The following NOL10 variants were observed in gnomAD, a reference collection of about 807,000 sequenced individuals.
NOL10 encodes the protein nucleolar protein 10, also known as H_NH0074G24.1.
Under a neutral mutation model 103.5 loss-of-function variants are expected in NOL10, and 58 were observed. The observed-to-expected ratio is 0.56, with a 90% CI of 0.45 to 0.70. The LOEUF is 0.70. NOL10 is among the 30% of genes least tolerant of loss of function. The pLI, the probability that NOL10 is intolerant of heterozygous loss-of-function variation, is 0.00. For synonymous variants in NOL10, 287 were observed against 282.5 expected (o/e 1.02, Z -0.16); for missense variants, 763 against 807.3 (o/e 0.95, Z 0.67).
chr2:10,688,374 G>A (rs141655838), intron 1 of NOL10, among the ~76,000 whole-genome samples: 4 of 152,078 alleles, frequency 2.6e-5, no homozygotes, highest in East Asian at 1.9e-4. Flanking sequence ...CCCTGCTCTC[G>A]CCCCCTCACT....
intron 14 of NOL10, among the ~76,000 whole-genome samples, chr2:10,606,515 G>A (rs768464625): frequency 5.3e-5 from 8 of 150,662 alleles, no homozygotes; most frequent in Non-Finnish European, 8.8e-5. Flanking sequence ...GGTTGAGGTA[G>A]GAGAATGACT....
At chr2:10,665,643 T>C (rs1055320887) in intron 8 of NOL10, among the ~76,000 whole-genome samples, 5 of 152,208 alleles carry the variant, frequency 3.3e-5, no homozygotes, top group African/African-American at 9.6e-5. Flanking sequence ...CACGTTCTAA[T>C]ACATAACTTC....
chr2:10,645,930 CACACACACACACAT>C (rs1679036547), intron 12 of NOL10, among the ~76,000 whole-genome samples: 4 of 123,964 alleles, frequency 3.2e-5, no homozygotes, highest in Admixed American at 1.7e-4. Context: ...GCACACAAAA[CACACACACACACAT>C]ACACACACAC....
At chr2:10,621,899 C>T (rs1483776559) in intron 13 of NOL10, 1 of 345,582 alleles carries the variant, frequency 2.9e-6, no homozygotes, top group Non-Finnish European at 5.8e-6. Flanking sequence ...TCACTTGACT[C>T]TGGAATAGTT....
At chr2:10,572,416 A>T (rs1173688907) in intron 20 of NOL10, among the ~76,000 whole-genome samples, 1 of 152,088 alleles carries the variant, frequency 6.6e-6, no homozygotes, top group African/African-American at 2.4e-5. Context: ...CCATCAATGC[A>T]AAAGCAGAAA....
intron 13 of NOL10, among the ~76,000 whole-genome samples, chr2:10,621,549 A>T (rs1677149417): frequency 6.6e-6 from 1 of 152,210 alleles, no homozygotes; most frequent in South Asian, 2.1e-4. Flanking sequence ...AGCTGTGATC[A>T]GGACACTGCA....
chr2:10,591,829 C>T (rs944863427), intron 17 of NOL10, among the ~76,000 whole-genome samples: 4 of 151,930 alleles, frequency 2.6e-5, no homozygotes, highest in Non-Finnish European at 4.4e-5. Context: ...CATGGTGAGA[C>T]GCTGTCTATA....
chr2:10,619,798 G>A (rs532715657), intron 13 of NOL10, among the ~76,000 whole-genome samples: 2 of 152,240 alleles, frequency 1.3e-5, no homozygotes, highest in South Asian at 4.1e-4. Flanking sequence ...TGAAGAGCCT[G>A]GCCTTGCACC....
At chr2:10,617,092 T>C (rs1042168017) in intron 13 of NOL10, among the ~76,000 whole-genome samples, 2 of 152,040 alleles carry the variant, frequency 1.3e-5, no homozygotes, top group Admixed American at 6.6e-5. Context: ...GTGGAGAGTA[T>C]GACAGACAGA....
intron 14 of NOL10, among the ~76,000 whole-genome samples, chr2:10,605,732 A>G (rs1018192504): frequency 1.3e-5 from 2 of 152,190 alleles, no homozygotes; most frequent in African/African-American, 2.4e-5. Flanking sequence ...GTGTGACAGC[A>G]TATTATGAAA....
intron 6 of NOL10, among the ~76,000 whole-genome samples, chr2:10,669,448 T>C (rs1680768762): frequency 7.0e-6 from 1 of 143,764 alleles, no homozygotes; most frequent in South Asian, 2.1e-4. Flanking sequence ...TTTGTATATA[T>C]ATATATATTT....
chr2:10,608,853 CATAT>C (rs1426497942), intron 13 of NOL10, among the ~76,000 whole-genome samples: 10 of 152,124 alleles, frequency 6.6e-5, no homozygotes, highest in African/African-American at 2.2e-4. Context: ...AAAACTCGAG[CATAT>C]ATAGTCTTCC....
intron 13 of NOL10, among the ~76,000 whole-genome samples, chr2:10,632,521 A>AT (rs1437000793): frequency 1.3e-5 from 2 of 152,208 alleles, no homozygotes; most frequent in Non-Finnish European, 2.9e-5. Context: ...TACAGGACCT[A>AT]TTTTACAACT....
chr2:10,573,063 CA>C (rs113673930), intron 20 of NOL10, among the ~76,000 whole-genome samples: 3,376 of 145,416 alleles, frequency 0.023, 31 homozygotes, highest in African/African-American at 0.03. Context: ...AGGTAAAGCT[CA>C]AAAAAAAAAA....
At chr2:10,637,422 A>G (rs1417040463) in intron 13 of NOL10, among the ~76,000 whole-genome samples, 1 of 152,122 alleles carries the variant, frequency 6.6e-6, no homozygotes, top group Non-Finnish European at 1.5e-5. Flanking sequence ...GACAACCCCT[A>G]AAATTCTGCA....
At chr2:10,689,545 CA>C (rs1372545206) in intron 1 of NOL10, among the ~76,000 whole-genome samples, 1 of 152,184 alleles carries the variant, frequency 6.6e-6, no homozygotes, top group African/African-American at 2.4e-5. Context: ...GAGAACTTTA[CA>C]AAAGTTCCAG....
chr2:10,638,483 C>CTTTTTTTTTTTT lies in NOL10; in HGVS notation c.1026+5825_1026+5836dup, dbSNP rs869294782. Among the ~76,000 whole-genome samples, 14 of 77,778 alleles carry CTTTTTTTTTTTT rather than the reference C, an allele frequency of 1.8e-4. 2 individuals carry two copies. The highest frequency in any genetic ancestry group is 5.4e-4 in the African/African-American group (10 of 18,674). The allele number at this position is 77,778 out of a possible 152,430, so 51.0% of individuals were successfully genotyped here. A position where few individuals can be genotyped will look rare whatever the true frequency, so the allele number is the denominator to read the frequency against. Reference sequence around the variant, plus strand: ...GCACATACCCTTATAGCTGAATTCCCTTTTTTTTTTTTTTTTTTTTTTTTT... The same window carrying CTTTTTTTTTTTT: ...GCACATACCCTTATAGCTGAATTCCCTTTTTTTTTTTTTTTTTTTTTTTTTTTTTTTTTTTTT... On this transcript the variant is annotated intron_variant, in intron 13 of 20. Transcript: ENST00000381685.
chr2:10,639,608 T>C lies in NOL10; in HGVS notation c.1026+4712A>G, dbSNP rs184237924. ...GGAGCATTTCCAACAGAAACACCAT[T>C]AAGCAGAAAGGTTTTGGGTTGGGTG... is the stretch of plus-strand genomic sequence containing the variant. On this transcript the variant is annotated intron_variant, in intron 13 of 20. Coordinates refer to ENST00000381685, the MANE Select transcript of NOL10 (RefSeq NM_024894.4). Among the ~76,000 whole-genome samples the C allele has an allele frequency of 2.1e-3, 324 of 152,236 alleles. 2 individuals carry two copies. The highest frequency in any genetic ancestry group is 7.6e-3 in the African/African-American group (314 of 41,532).
intron 13 of NOL10, among the ~76,000 whole-genome samples, chr2:10,639,547 C>G (rs1379459005): frequency 1.3e-5 from 2 of 152,188 alleles, no homozygotes; most frequent in Non-Finnish European, 2.9e-5. Context: ...TGAGTGGCTG[C>G]AGGAGTGCCC....
Sources: gnomAD v4.1 joint callset for allele counts (sites outside exome capture counted in the v4.1 genomes callset) on GRCh38, gnomAD v4.1.1 for gene constraint, MANE v1.5 for transcripts, NCBI Gene and HGNC (gene_info 2026-07-23, HGNC 2026-07-21) for gene names.